Variants in MVB12B observed in about 807,000 individuals in gnomAD.
The protein encoded by MVB12B is ESCRT-I complex subunit MVB12B.
In MVB12B, 16 loss-of-function variants were observed where a neutral mutation model predicts 41.6. The observed-to-expected ratio is 0.38, with a 90% CI of 0.26 to 0.58. The LOEUF (loss-of-function observed/expected upper bound fraction) is 0.58, where lower values mean the gene tolerates loss of function less well. MVB12B is among the 20% of genes least tolerant of loss of function. The pLI, the probability that MVB12B is intolerant of heterozygous loss-of-function variation, is 0.62. For synonymous variants in MVB12B, 133 were observed against 139.7 expected, an observed-to-expected ratio of 0.95 and a Z score of 0.34; for missense variants, 274 against 380.2, an observed-to-expected ratio of 0.72 and a Z score of 2.32.
intron 6 of MVB12B, chr9:126,396,683 G>A: frequency 1.0e-6 from 1 of 985,470 alleles, no homozygotes; most frequent in Non-Finnish European, 1.2e-6. Flanking sequence ...TGAGGACTCT[G>A]TCCTCTGGGA....
chr9:126,379,620 A>C (rs1252413347), intron 2 of MVB12B, among the ~76,000 whole-genome samples: 1 of 152,176 alleles, frequency 6.6e-6, no homozygotes, highest in Non-Finnish European at 1.5e-5. Flanking sequence ...CTTTATCATA[A>C]GGGCCTTTCT....
chr9:126,346,163 G>A (rs976082407), intron 2 of MVB12B, among the ~76,000 whole-genome samples: 1 of 152,148 alleles, frequency 6.6e-6, no homozygotes, highest in Non-Finnish European at 1.5e-5. Context: ...TCACTTGGTT[G>A]GCACGGAAAA....
At chr9:126,499,099 A>T (rs962307333) in intron 9 of MVB12B, among the ~76,000 whole-genome samples, 60 of 152,288 alleles carry the variant, frequency 3.9e-4, no homozygotes, top group African/African-American at 1.4e-3. Context: ...TTTGCCTCGA[A>T]GCTGGGTGCT....
At chr9:126,432,884 G>A (rs1832365840) in intron 7 of MVB12B, among the ~76,000 whole-genome samples, 2 of 152,182 alleles carry the variant, frequency 1.3e-5, no homozygotes, top group Admixed American at 1.3e-4. Context: ...ATCGTGCTAG[G>A]ACTAACTTGG....
At chr9:126,437,381 G>A (rs566426118) in intron 7 of MVB12B, among the ~76,000 whole-genome samples, 34 of 152,174 alleles carry the variant, frequency 2.2e-4, no homozygotes, top group African/African-American at 7.2e-4. Context: ...TTGATTTCCC[G>A]GAACTGATAT....
chr9:126,447,264 T>A (rs1157064309), intron 7 of MVB12B, among the ~76,000 whole-genome samples: 2 of 146,978 alleles, frequency 1.4e-5, no homozygotes, highest in South Asian at 2.2e-4. Flanking sequence ...TTTTTTTTTT[T>A]AACTTTCTAT....
chr9:126,455,727 C>G (rs1212084743), intron 7 of MVB12B, among the ~76,000 whole-genome samples: 1 of 151,506 alleles, frequency 6.6e-6, no homozygotes, highest in Non-Finnish European at 1.5e-5. Context: ...CTCAAGTGAT[C>G]CAGCTGCCTC....
At chr9:126,403,950 C>CTTTTTTTTTT (rs36030597) in intron 6 of MVB12B, among the ~76,000 whole-genome samples, 5 of 104,732 alleles carry the variant, frequency 4.8e-5, no homozygotes, top group Admixed American at 1.2e-4. Context: ...TCCTTTAAAT[C>CTTTTTTTTTT]TTTTTTTTTT....
chr9:126,353,454 G>A (rs1829804785), intron 2 of MVB12B, among the ~76,000 whole-genome samples: 1 of 152,152 alleles, frequency 6.6e-6, no homozygotes, highest in Non-Finnish European at 1.5e-5. Flanking sequence ...GGTGACCTTG[G>A]TTAAGTTACT....
At chr9:126,440,474 G>A (rs1832604186) in intron 7 of MVB12B, among the ~76,000 whole-genome samples, 1 of 152,076 alleles carries the variant, frequency 6.6e-6, no homozygotes, top group Non-Finnish European at 1.5e-5. Context: ...AGGTCACATG[G>A]GTGTGCTTTC....
chr9:126,405,564 A>G (rs1184759089), intron 6 of MVB12B, among the ~76,000 whole-genome samples: 3 of 152,090 alleles, frequency 2.0e-5, no homozygotes, highest in Admixed American at 6.6e-5. Context: ...TAGCTGCCAA[A>G]TAAAGTAAAA....
chr9:126,401,570 G>A (rs576894566), intron 6 of MVB12B, among the ~76,000 whole-genome samples: 2 of 152,326 alleles, frequency 1.3e-5, no homozygotes, highest in South Asian at 4.2e-4. Context: ...ATAGATCCTT[G>A]CTGACCTCAA....
chr9:126,346,730 G>A (rs914192624), intron 2 of MVB12B, among the ~76,000 whole-genome samples: 88 of 152,284 alleles, frequency 5.8e-4, no homozygotes, highest in Non-Finnish European at 1.0e-4. Context: ...AGAAGAGGAG[G>A]CACTCAAAAG....
intron 2 of MVB12B, among the ~76,000 whole-genome samples, chr9:126,341,186 C>A (rs1246301242): frequency 1.3e-5 from 2 of 152,202 alleles, no homozygotes; most frequent in Admixed American, 1.3e-4. Context: ...ACCAGACCCC[C>A]TCCAAGTCCA....
intron 2 of MVB12B, among the ~76,000 whole-genome samples, chr9:126,375,563 G>A (rs1053271410): frequency 4.6e-5 from 7 of 151,982 alleles, no homozygotes; most frequent in East Asian, 3.9e-4. Context: ...GGGCCTGGGC[G>A]TGCTGCTGTC....
rs753733448 is a variant in MVB12B, at chr9:126,367,206, C to T, written c.205-13858C>T. Among the ~76,000 whole-genome samples the T allele has an allele frequency of 1.3e-5, 2 of 152,134 alleles. No individual in the cohort carries two copies. The highest frequency in any genetic ancestry group is 2.9e-5 in the Non-Finnish European group (2 of 68,034). ...CGACTCCAGGTTTCTCCTATAAGCGCCACTCTGAGAATTTCTCCTTCCTGC... is the reference window on the plus strand; with the variant it reads ...CGACTCCAGGTTTCTCCTATAAGCGTCACTCTGAGAATTTCTCCTTCCTGC... On this transcript the variant is annotated intron_variant, in intron 2 of 9. Transcript: ENST00000361171. This position sits in a 1 kb window ranked among gnomAD's most constrained non-coding sequence, Gnocchi z 4.3.
intron 4 of MVB12B, among the ~76,000 whole-genome samples, chr9:126,390,878 G>A (rs1023975344): frequency 2.0e-5 from 3 of 151,900 alleles, no homozygotes; most frequent in Non-Finnish European, 4.4e-5. Context: ...CTTGAACCCC[G>A]GAGGTGGAGG....
intron 6 of MVB12B, among the ~76,000 whole-genome samples, chr9:126,414,710 A>G (rs1047474542): frequency 3.9e-5 from 6 of 152,172 alleles, no homozygotes; most frequent in Middle Eastern, 3.4e-3. Context: ...CCTAAAATCT[A>G]AACTCATGGA....
intron 6 of MVB12B, among the ~76,000 whole-genome samples, chr9:126,414,666 TCTC>T (rs1831756600): frequency 1.3e-5 from 2 of 151,966 alleles, no homozygotes; most frequent in South Asian, 2.1e-4. Context: ...TGAGTCTCCT[TCTC>T]CTCAGTCTGC....
Sources: allele counts gnomAD v4.1 joint callset (sites outside exome capture counted in the v4.1 genomes callset), GRCh38; gene constraint gnomAD v4.1.1; non-coding constraint Gnocchi (gnomAD v3.1); transcripts MANE v1.5; gene names NCBI Gene and HGNC (gene_info 2026-07-23, HGNC 2026-07-21).